The following PLXND1 variants were observed in gnomAD, a reference collection of about 807,000 sequenced individuals.
PLXND1 encodes the protein plexin D1, also known as plexin-D1.
PLXND1 carries 54 observed loss-of-function variants against 197.7 expected under a neutral mutation model. The ratio of observed to expected loss-of-function variants is 0.27; its 90% CI spans 0.22 to 0.34. The LOEUF is 0.34. Among genes scored for constraint, PLXND1 ranks in the 10% least tolerant of loss-of-function variants. The pLI is 1.00. For missense variants in PLXND1, 2,127 were observed against 2,699.2 expected (o/e 0.79, Z 4.70); for synonymous variants, 1,180 against 1,161.2 (o/e 1.02, Z -0.33).
chr3:129,572,290 AACCACACCCCTGCCACTC>A (rs1358812437), intron 15 of PLXND1, among the ~76,000 whole-genome samples: 3 of 152,152 alleles, frequency 2.0e-5, no homozygotes, highest in African/African-American at 7.2e-5. Flanking sequence ...AACAGACTCC[AACCACACCCCTGCCACTC>A]ACCACACCCC....
At chr3:129,556,865 CCAATCTCCTCTCCATCCAGAGGGTG>C (rs1387690245) in intron 34 of PLXND1, 174 bp from the exon 35 acceptor site, 1 of 687,310 alleles carries the variant, frequency 1.5e-6, no homozygotes, top group Non-Finnish European at 2.5e-6. Context: ...ACCCTGAAGT[CCAATCTCCTCTCCATCCAGAGGGTG>C]CTCTCCTGCC....
In PLXND1 at chr3:129,561,729, C is replaced by T. The variant is rs760735868; in HGVS notation, c.4930-20G>A. The T allele has an allele frequency of 5.7e-5, 80 of 1,403,290 alleles. No individual in the cohort carries two copies. Among genetic ancestry groups the T allele is most frequent in the African/African-American group, 3.2e-4 (18 of 56,390 alleles). The allele number at this position is 1,403,290 out of a possible 1,614,324, so 86.9% of individuals were successfully genotyped here. A position where few individuals can be genotyped will look rare whatever the true frequency, so the allele number is the denominator to read the frequency against. On this transcript the variant is annotated intron_variant, in intron 28 of 35. Coordinates refer to ENST00000324093, the MANE Select transcript of PLXND1 (RefSeq NM_015103.3). ...AGGGATCTGATGGGAGGGGAGAGGCCGAGGTCAGAGGCCGGAGGTTGGGGT... is the reference window on the plus strand; with the variant it reads ...AGGGATCTGATGGGAGGGGAGAGGCTGAGGTCAGAGGCCGGAGGTTGGGGT...
intron 8 of PLXND1, among the ~76,000 whole-genome samples, chr3:129,580,839 AC>A (rs1180866342): frequency 6.7e-6 from 1 of 149,698 alleles, no homozygotes; most frequent in Admixed American, 6.6e-5. Flanking sequence ...ACCCCCAGGG[AC>A]CCCCACAATT....
chr3:129,593,896 G>A (rs563148223), intron 1 of PLXND1, among the ~76,000 whole-genome samples: 74 of 152,308 alleles, frequency 4.9e-4, no homozygotes, highest in East Asian at 2.5e-3. Context: ...TCCCCCTCCA[G>A]CTGGCTCCCT....
At chr3:129,572,526 A>G in intron 15 of PLXND1, 83 bp downstream of exon 15, 1 of 1,253,728 alleles carries the variant, frequency 8.0e-7, no homozygotes, top group Non-Finnish European at 1.1e-6. Flanking sequence ...GGCTTGGCTC[A>G]AGGATGTCAC....
chr3:129,585,684 C>T (rs1157193164), intron 5 of PLXND1, among the ~76,000 whole-genome samples: 1 of 152,212 alleles, frequency 6.6e-6, no homozygotes, highest in Non-Finnish European at 1.5e-5. Flanking sequence ...CTTGGTGCCT[C>T]AGTTTCCCCA....
At chr3:129,589,250 G>C (rs972119469) in intron 2 of PLXND1, 101 bp downstream of exon 2, 72 of 933,160 alleles carry the variant, frequency 7.7e-5, no homozygotes, top group Non-Finnish European at 1.1e-4. Context: ...AAAGGGTCAG[G>C]CTGGACCTGT....
chr3:129,566,424 C>T (rs972752898), intron 23 of PLXND1, 103 bp downstream of exon 23: 5 of 761,630 alleles, frequency 6.6e-6, no homozygotes, highest in Admixed American at 1.9e-5. Flanking sequence ...CTCCCAACTC[C>T]GCATGACAGG....
At chr3:129,590,994 T>A (rs1212023202) in intron 1 of PLXND1, among the ~76,000 whole-genome samples, 1 of 112,700 alleles carries the variant, frequency 8.9e-6, no homozygotes, top group Non-Finnish European at 1.8e-5. Context: ...AAGCCACTGA[T>A]GATGTGCCTG....
rs1490215732 is a variant in PLXND1, at chr3:129,556,234, C to T, written c.*78G>A. 15 of 962,974 alleles carry T rather than the reference C, an allele frequency of 1.6e-5. No individual in the cohort carries two copies. In the Admixed American group the frequency reaches 2.3e-4, roughly 14 times the overall value. The allele number at this position is 962,974 out of a possible 1,614,324, so 59.7% of individuals were successfully genotyped here. On this transcript the variant is annotated 3_prime_UTR_variant, in exon 36 of 36. Transcript: ENST00000324093. The stretch of plus-strand genomic sequence containing the variant: ...AGTATTTCCCAGTCTGAGTCACAGG[C>T]ACGGGGTAGAAGATCAAGTTGAGGC...
chr3:129,569,613 G>C, intron 20 of PLXND1: 1 of 514,188 alleles, frequency 1.9e-6, no homozygotes. Flanking sequence ...TCAGGGACCT[G>C]GGCGTGGGCC....
intron 2 of PLXND1, 106 bp downstream of exon 2, chr3:129,589,233 AGAAAACAAAGGG>A: frequency 2.5e-6 from 2 of 793,422 alleles, no homozygotes; most frequent in South Asian, 3.6e-5. Flanking sequence ...GGCGAATGGG[AGAAAACAAAGGG>A]TCAGGCTGGA....
chr3:129,600,675 T>C (rs1053243341), intron 1 of PLXND1, among the ~76,000 whole-genome samples: 2 of 151,600 alleles, frequency 1.3e-5, no homozygotes, highest in Non-Finnish European at 2.9e-5. Context: ...CCAATCCTCC[T>C]AGAACCCCCT....
At chr3:129,571,932 G>A (rs763354713) in intron 15 of PLXND1, 88 bp from the exon 16 acceptor site, 146 of 1,313,938 alleles carry the variant, frequency 1.1e-4, no homozygotes, top group Admixed American at 1.4e-4. Flanking sequence ...ACAAGTCCAC[G>A]CACTTGGCCT....
intron 11 of PLXND1, 56 bp downstream of exon 11, chr3:129,575,413 G>T: frequency 9.3e-7 from 1 of 1,076,526 alleles, no homozygotes; most frequent in Non-Finnish European, 1.4e-6. Flanking sequence ...ACAAGGCTGA[G>T]CCCCACCCAC....
chr3:129,580,939 G>T (rs2085378980), intron 8 of PLXND1, among the ~76,000 whole-genome samples: 1 of 152,008 alleles, frequency 6.6e-6, no homozygotes, highest in African/African-American at 2.4e-5. Flanking sequence ...CACCCCCAGG[G>T]AAGCTACCTC....
intron 8 of PLXND1, among the ~76,000 whole-genome samples, chr3:129,582,626 G>A (rs1430946974): frequency 2.0e-5 from 3 of 152,188 alleles, no homozygotes; most frequent in African/African-American, 4.8e-5. Flanking sequence ...AAGGTCCCAG[G>A]CATCCCATTT....
chr3:129,574,697 G>A (rs953047655), intron 11 of PLXND1, among the ~76,000 whole-genome samples: 2 of 152,214 alleles, frequency 1.3e-5, no homozygotes, highest in African/African-American at 2.4e-5. Context: ...TGAGCACAGT[G>A]CAGCCCCTGC....
chr3:129,605,133 G>A (rs557137549), intron 1 of PLXND1, among the ~76,000 whole-genome samples, 196 bp downstream of exon 1: 44 of 152,214 alleles, frequency 2.9e-4, no homozygotes, highest in African/African-American at 9.4e-4. Context: ...TGCCCACCTG[G>A]GCCATACAGG....
Sources: allele counts gnomAD v4.1 joint callset (sites outside exome capture counted in the v4.1 genomes callset), GRCh38; gene constraint gnomAD v4.1.1; transcripts MANE v1.5; gene names NCBI Gene and HGNC (gene_info 2026-07-23, HGNC 2026-07-21).